Variants in RARA observed in about 807,000 individuals in gnomAD.
RARA encodes PML-DDX5-RARA fusion.
A neutral mutation model predicts 42.8 loss-of-function variants in RARA; 5 were observed. The observed-to-expected ratio is 0.12, with a 90% confidence interval of 0.06 to 0.25. The LOEUF is 0.25. Among genes scored for constraint, RARA ranks in the 10% least tolerant of loss-of-function variants. The pLI is 1.00. For synonymous variants in RARA, 256 were observed against 259.5 expected, an observed-to-expected ratio of 0.99 and a Z score of 0.13; for missense variants, 402 against 628.7, an observed-to-expected ratio of 0.64 and a Z score of 3.86.
At chr17:40,342,120 C>T (rs1374293786) in intron 2 of RARA, 2 of 1,047,190 alleles carry the variant, frequency 1.9e-6, no homozygotes, top group Admixed American at 5.5e-5. Flanking sequence ...GGGGGTGGTG[C>T]CCGGAGGGGA....
chr17:40,338,395 T>A (rs927573817), intron 2 of RARA, among the ~76,000 whole-genome samples: 1 of 152,064 alleles, frequency 6.6e-6, no homozygotes, highest in African/African-American at 2.4e-5. Context: ...ATAGAGGTGC[T>A]CCCCTCCCCA....
intron 2 of RARA, chr17:40,341,937 G>A (rs2034065858): frequency 1.8e-6 from 2 of 1,137,232 alleles, no homozygotes; most frequent in African/African-American, 3.2e-5. Context: ...CTCATCTGGA[G>A]CCTTTCCCCC....
chr17:40,341,988 C>G, intron 2 of RARA: 1 of 1,110,616 alleles, frequency 9.0e-7, no homozygotes, highest in Non-Finnish European at 1.1e-6. Flanking sequence ...CAGGCTGCCC[C>G]CACTTGCCTG....
intron 2 of RARA, chr17:40,342,235 C>T: frequency 9.5e-7 from 1 of 1,057,316 alleles, no homozygotes; most frequent in Non-Finnish European, 1.1e-6. Flanking sequence ...GCGCGGGATC[C>T]CCACCCCCAC....
At chr17:40,342,474 C>T (rs909233898) in intron 2 of RARA, 1 of 1,243,730 alleles carries the variant, frequency 8.0e-7, no homozygotes, top group African/African-American at 1.6e-5. Context: ...CCGACGGACC[C>T]CCCCTCCCAG....
rs183453726 is a variant in RARA, at chr17:40,345,619, T to C, written c.179-2697T>C. On this transcript the variant is annotated intron_variant, in intron 2 of 8. Coordinates refer to ENST00000254066, the MANE Select transcript of RARA (RefSeq NM_000964.4). The surrounding 1 kb of genome is among the most constrained non-coding windows in gnomAD (Gnocchi z 4.8). ...TTCCTGGGTCAGTTCCAGTCCTCTG[T>C]TGGGCGCTGGAACTTTGAGCTGAGA... 2.6e-5 allele frequency among the ~76,000 whole-genome samples: 4 copies of C among 152,300 alleles called. No homozygotes were observed. In the East Asian group the frequency reaches 7.7e-4, roughly 29 times the overall value.
rs138814575 is a variant in RARA, at chr17:40,334,835, G to A, written c.178+3439G>A. Among the ~76,000 whole-genome samples the A allele has an allele frequency of 2.0e-3, 304 of 152,262 alleles. 1 individual carries two copies. The Middle Eastern group carries it at 0.02, about 10-fold the overall frequency. ...GCAGCACATTAGGTGGCCTGGGTGC[G>A]CCCTTCAGAGACCTAGTAGCCTATG... On this transcript the variant is annotated intron_variant, in intron 2 of 8. Coordinates refer to ENST00000254066, the MANE Select transcript of RARA (RefSeq NM_000964.4).
intron 1 of RARA, chr17:40,318,435 T>TC (rs2033265738): frequency 6.6e-6 from 1 of 152,280 alleles, no homozygotes; most frequent in South Asian, 2.1e-4. Context: ...ACGGGTTGCT[T>TC]CCCCCGCTGC....
intron 1 of RARA, among the ~76,000 whole-genome samples, chr17:40,325,290 A>AAT (rs1172022651): frequency 6.6e-6 from 1 of 151,358 alleles, no homozygotes; most frequent in Non-Finnish European, 1.5e-5. Flanking sequence ...TAAATAAATA[A>AAT]ATAAATAAAA....
intron 1 of RARA, among the ~76,000 whole-genome samples, chr17:40,315,165 TATATATAC>T (rs1221748482): frequency 8.6e-4 from 105 of 121,414 alleles, no homozygotes; most frequent in African/African-American, 3.6e-3. Context: ...TATATATATA[TATATATAC>T]ACACACACAC....
At chr17:40,349,988 C>A (rs2143476041) in intron 4 of RARA, 63 bp downstream of exon 4, 1 of 1,593,350 alleles carries the variant, frequency 6.3e-7, no homozygotes, top group Non-Finnish European at 8.6e-7. Flanking sequence ...CTCCTAAAGA[C>A]CAAGGGAGCA....
intron 2 of RARA, chr17:40,340,949 T>C (rs1360606957): frequency 5.0e-6 from 2 of 400,164 alleles, no homozygotes; most frequent in Non-Finnish European, 8.8e-6. Context: ...GTTTTATTTG[T>C]AAAACATCTC....
chr17:40,348,522 CT>C lies in RARA; in HGVS notation c.327+60del, dbSNP rs148878265. 3,827 of 1,572,940 alleles carry C rather than the reference CT, an allele frequency of 2.4e-3. 71 individuals are homozygous for C. The African/African-American group carries it at 0.047, about 19-fold the overall frequency. On this transcript the variant is annotated intron_variant, in intron 3 of 8. Coordinates refer to ENST00000254066, the MANE Select transcript of RARA (RefSeq NM_000964.4). ...TGATGAGGTCAATGGGATGTCCCCA[CT>C]TCTGTGTCCTGGGAGTGTGCAGTTG...
In RARA at chr17:40,349,897, G is replaced by A. The variant is rs770345333; in HGVS notation, c.441G>A (p.Lys147=). The A allele has an allele frequency of 6.2e-7, 1 of 1,614,270 alleles. No homozygotes were observed. Among genetic ancestry groups the A allele is most frequent in the Admixed American group, 1.7e-5 (1 of 60,038 alleles). ...GCTGCCAGTACTGCCGACTGCAGAA[G>A]TGCTTTGAAGTGGGCATGTCCAAGG... ...RNRCQYCRLQ[K]CFEVGMSKES... The change falls in exon 4 of 9, where the codon AAG becomes AAA. Residue 147 remains lysine, a synonymous_variant. Coordinates refer to ENST00000254066, the MANE Select transcript of RARA (RefSeq NM_000964.4).
At chr17:40,312,631 TG>T (rs1429811901) in intron 1 of RARA, among the ~76,000 whole-genome samples, 1 of 151,776 alleles carries the variant, frequency 6.6e-6, no homozygotes. Flanking sequence ...CAAGGAGGCA[TG>T]GGGAGCAGGG....
intron 3 of RARA, 150 bp downstream of exon 3, chr17:40,348,614 C>A: frequency 1.0e-6 from 1 of 995,838 alleles, no homozygotes; most frequent in Non-Finnish European, 1.4e-6. Context: ...GGGACACCTA[C>A]CACAGTTTCC....
chr17:40,337,456 G>T (rs180755810), intron 2 of RARA, among the ~76,000 whole-genome samples: 2 of 152,354 alleles, frequency 1.3e-5, no homozygotes, highest in South Asian at 2.1e-4. Context: ...GCCTGGGCCA[G>T]ATCTCCATCC....
intron 2 of RARA, among the ~76,000 whole-genome samples, chr17:40,343,367 G>T (rs531403237): frequency 2.0e-5 from 3 of 152,326 alleles, no homozygotes; most frequent in African/African-American, 4.8e-5. Context: ...ATTAGAGTGG[G>T]TGTCAGGGGA....
At chr17:40,348,063 T>G in intron 2 of RARA, 1 of 389,818 alleles carries the variant, frequency 2.6e-6, no homozygotes, top group Non-Finnish European at 4.6e-6. Flanking sequence ...ATGTGATGGT[T>G]TATCATTGTA....
Sources: allele counts gnomAD v4.1 joint callset (sites outside exome capture counted in the v4.1 genomes callset), GRCh38; gene constraint gnomAD v4.1.1; non-coding constraint Gnocchi (gnomAD v3.1); transcripts MANE v1.5; gene names NCBI Gene and HGNC (gene_info 2026-07-23, HGNC 2026-07-21).